The following RIN3 variants were observed in gnomAD, a reference collection of about 807,000 sequenced individuals.
The protein encoded by RIN3 is Ras and Rab interactor 3.
A neutral mutation model predicts 76.3 loss-of-function variants in RIN3; 54 were observed. That is an observed-to-expected ratio of 0.71 (90% CI 0.57 to 0.89). The LOEUF is 0.89. RIN3 is among the 40% of genes least tolerant of loss of function. The pLI is 0.00. For missense variants in RIN3, 1,256 were observed against 1,322.1 expected (o/e 0.95, Z 0.78); for synonymous variants, 576 against 564.0 (o/e 1.02, Z -0.30).
At chr14:92,661,581 G>A (rs190403060) in intron 7 of RIN3, among the ~76,000 whole-genome samples, 12 of 152,156 alleles carry the variant, frequency 7.9e-5, no homozygotes, top group Non-Finnish European at 1.6e-4. Flanking sequence ...AAAATTAGCC[G>A]AGTGTGTTGG....
intron 3 of RIN3, among the ~76,000 whole-genome samples, chr14:92,609,593 G>A (rs1477294969): frequency 2.0e-5 from 3 of 152,184 alleles, no homozygotes; most frequent in Non-Finnish European, 4.4e-5. Context: ...GGTGCTGGAC[G>A]GCCTGAGGCT....
intron 3 of RIN3, among the ~76,000 whole-genome samples, chr14:92,581,842 G>T (rs996313438): frequency 1.3e-5 from 2 of 152,172 alleles, no homozygotes; most frequent in African/African-American, 4.8e-5. Context: ...AATACAGCAT[G>T]GGCAAGTGGG....
Position 92,684,810 on chromosome 14 carries a change from C to T in RIN3, c.2468-177C>T, listed in dbSNP as rs180750759. ...TCAGGGCTGGACTCTAGGAAACTTTCTGAGGCTGGAGGGTGGGCGTGGGGT... is the reference window on the plus strand; with the variant it reads ...TCAGGGCTGGACTCTAGGAAACTTTTTGAGGCTGGAGGGTGGGCGTGGGGT... On this transcript the variant is annotated intron_variant, in intron 8 of 9. Coordinates refer to ENST00000216487, the MANE Select transcript of RIN3 (RefSeq NM_024832.5). Among the ~76,000 whole-genome samples, 411 of 152,206 alleles carry T rather than the reference C, an allele frequency of 2.7e-3. 1 individual carries two copies. The highest frequency in any genetic ancestry group is 9.4e-3 in the African/African-American group (391 of 41,526).
intron 1 of RIN3, among the ~76,000 whole-genome samples, chr14:92,534,378 G>A (rs887312535): frequency 1.5e-4 from 23 of 151,632 alleles, no homozygotes; most frequent in African/African-American, 5.3e-4. Context: ...TCAGGAGTTC[G>A]AAACCAGCCT....
chr14:92,582,495 C>T (rs1171937994), intron 3 of RIN3, among the ~76,000 whole-genome samples: 4 of 138,036 alleles, frequency 2.9e-5, no homozygotes, highest in Admixed American at 8.4e-5. Context: ...TCGCCCAGGC[C>T]GGAGTGCAGT....
rs767044494 is a variant in RIN3, at chr14:92,685,149, A to C, written c.2630A>C (p.Gln877Pro). Reference sequence around the variant, plus strand: ...GCCCGGGCCTCCCGCTCCTCCGTACAGGTGAGGCCTGAGAGCGGGAGGGGC... The same window carrying C: ...GCCCGGGCCTCCCGCTCCTCCGTACCGGTGAGGCCTGAGAGCGGGAGGGGC... Reference protein sequence around the residue: ...NKARASRSSVQDFICVSYLEP... With the variant: ...NKARASRSSVPDFICVSYLEP... Residue 877 changes from glutamine (Q) to proline (P), a missense_variant and splice_region_variant, in exon 9 of 10, where the codon CAG becomes CCG. Around this residue, in one of 3 missense-constraint regions of RIN3, gnomAD observed 218 missense variants for 174.5 expected, o/e 1.25. Transcript: ENST00000216487. The surrounding 1 kb of genome is among the most constrained non-coding windows in gnomAD (Gnocchi z 4.7). The C allele has an allele frequency of 3.1e-6, 5 of 1,603,790 alleles. No individual in the cohort carries two copies. Among genetic ancestry groups the C allele is most frequent in the East Asian group, 2.2e-5 (1 of 44,500 alleles).
intron 1 of RIN3, among the ~76,000 whole-genome samples, chr14:92,544,006 G>C (rs950759622): frequency 2.6e-5 from 4 of 151,916 alleles, no homozygotes; most frequent in Non-Finnish European, 4.4e-5. Flanking sequence ...TGAACTGTTC[G>C]TGAAGCCTCC....
rs1898278269 is a variant in RIN3, at chr14:92,577,416, T to C, written c.306T>C (p.Phe102=). ...AGCAGCTGGTGCTCTGTGTCCACTT[T>C]CCTTCTCTGAACGAAAGCTCGGCCG... ...SSKQLVLCVH[F]PSLNESSAEV... Residue 102 remains phenylalanine (F), a synonymous_variant, in exon 3 of 10, where the codon TTT becomes TTC. Coordinates refer to ENST00000216487, the MANE Select transcript of RIN3 (RefSeq NM_024832.5). 1 of 1,613,946 alleles carries C rather than the reference T, an allele frequency of 6.2e-7. No individual in the cohort carries two copies. Among genetic ancestry groups the C allele is most frequent in the Non-Finnish European group, 8.5e-7 (1 of 1,179,894 alleles).
At chr14:92,650,230 G>A (rs1051781823) in intron 5 of RIN3, among the ~76,000 whole-genome samples, 1 of 152,326 alleles carries the variant, frequency 6.6e-6, no homozygotes, top group Non-Finnish European at 1.5e-5. Flanking sequence ...CGCCTAACAC[G>A]GAGGCTAAAC....
chr14:92,575,666 C>CTTACT (rs1898203093), intron 2 of RIN3, among the ~76,000 whole-genome samples: 2 of 151,970 alleles, frequency 1.3e-5, no homozygotes, highest in African/African-American at 4.8e-5. Context: ...TGTCTTTTAG[C>CTTACT]AAGCAGATGC....
rs192542305 is a variant in RIN3, at chr14:92,588,478, G to A, written c.367+11001G>A. ...CAACCTCAGGTGATCCGCCTGCCTCGGCCTCCCAAAGTGCTGGGATTACAG... is the reference window on the plus strand; with the variant it reads ...CAACCTCAGGTGATCCGCCTGCCTCAGCCTCCCAAAGTGCTGGGATTACAG... On this transcript the variant is annotated intron_variant, in intron 3 of 9. Coordinates refer to ENST00000216487, the MANE Select transcript of RIN3 (RefSeq NM_024832.5). 1.1e-4 allele frequency among the ~76,000 whole-genome samples: 16 copies of A among 151,816 alleles called. No individual in the cohort carries two copies. The East Asian group carries it at 1.4e-3, about 13-fold the overall frequency.
At chr14:92,659,045 G>A (rs568372204) in intron 6 of RIN3, 116 bp from the exon 7 acceptor site, 1 of 931,506 alleles carries the variant, frequency 1.1e-6, no homozygotes, top group East Asian at 2.4e-5. Flanking sequence ...TGCTGGGGCT[G>A]TGAGTGTCCT....
intron 3 of RIN3, among the ~76,000 whole-genome samples, chr14:92,594,424 C>T (rs1885086807): frequency 8.8e-6 from 1 of 113,470 alleles, no homozygotes. Context: ...AAGAGCGAAA[C>T]TCTGTCTCAA....
intron 4 of RIN3, among the ~76,000 whole-genome samples, chr14:92,622,815 A>G (rs931803231): frequency 5.9e-5 from 9 of 152,250 alleles, no homozygotes; most frequent in Non-Finnish European, 1.2e-4. Context: ...AGAATAGAAC[A>G]AAGAACCAGG....
intron 3 of RIN3, among the ~76,000 whole-genome samples, chr14:92,600,548 T>G (rs749254756): frequency 7.9e-5 from 12 of 152,230 alleles, no homozygotes; most frequent in Non-Finnish European, 1.8e-4. Flanking sequence ...TTGGTGTCTC[T>G]GCACTGCTGG....
chr14:92,544,974 C>G (rs1047270681), intron 1 of RIN3, among the ~76,000 whole-genome samples: 2 of 152,074 alleles, frequency 1.3e-5, no homozygotes, highest in African/African-American at 4.8e-5. Context: ...AGGTATAGAA[C>G]TGTGGTGCGT....
intron 3 of RIN3, among the ~76,000 whole-genome samples, chr14:92,593,926 C>T (rs1247331314): frequency 6.6e-6 from 1 of 152,060 alleles, no homozygotes; most frequent in African/African-American, 2.4e-5. Context: ...ACTTCAGCAC[C>T]CCTCCATCAG....
intron 7 of RIN3, among the ~76,000 whole-genome samples, chr14:92,673,334 A>G (rs977782219): frequency 6.6e-6 from 1 of 152,216 alleles, no homozygotes; most frequent in Non-Finnish European, 1.5e-5. Flanking sequence ...CAATACTGCC[A>G]TGAACATTTG....
At chr14:92,661,758 C>CACACACACACACACAA (rs373869994) in intron 7 of RIN3, among the ~76,000 whole-genome samples, 42 of 133,288 alleles carry the variant, frequency 3.2e-4, no homozygotes, top group African/African-American at 1.2e-3. Context: ...CACACACACA[C>CACACACACACACACAA]AAAAAATAGA....
Sources: allele counts gnomAD v4.1 joint callset (sites outside exome capture counted in the v4.1 genomes callset), GRCh38; gene constraint gnomAD v4.1.1; regional missense constraint gnomAD v4.1.1; non-coding constraint Gnocchi (gnomAD v3.1); transcripts MANE v1.5; gene names NCBI Gene and HGNC (gene_info 2026-07-23, HGNC 2026-07-21).